NFASC: variants seen among roughly 807,000 people sequenced by gnomAD.
The protein encoded by NFASC is neurofascin.
Under a neutral mutation model 147.5 loss-of-function variants are expected in NFASC, and 43 were observed. The ratio of observed to expected loss-of-function variants is 0.29; its 90% CI spans 0.23 to 0.38. NFASC has a LOEUF of 0.38. Among genes scored for constraint, NFASC ranks in the 10% least tolerant of loss-of-function variants. NFASC has a pLI of 1.00. For missense variants in NFASC, 1,320 were observed against 1,689.0 expected, an observed-to-expected ratio of 0.78 and a Z score of 3.83; for synonymous variants, 622 against 665.5, an observed-to-expected ratio of 0.93 and a Z score of 1.01.
rs1330745580 is a variant in NFASC at position 205,014,329 on chromosome 1, A to G, written c.3491+1463A>G. Among the ~76,000 whole-genome samples, 4 of 152,276 alleles carry G rather than the reference A, an allele frequency of 2.6e-5. No homozygotes were observed. In the East Asian group the frequency reaches 7.7e-4, roughly 29 times the overall value. ...TCTGCTTTGGCTCTGGAAGGTCCGC[A>G]GCATCCATCCTAGAGCCCTCCCTTG... On this transcript the variant is annotated intron_variant, in intron 29 of 29. Transcript: ENST00000339876.
chr1:204,967,950 G>GGT, intron 8 of NFASC: 2 of 258,512 alleles, frequency 7.7e-6, no homozygotes, highest in Admixed American at 5.3e-5. Flanking sequence ...ATCTCGCACT[G>GGT]CTCAGACAGC....
intron 1 of NFASC, among the ~76,000 whole-genome samples, chr1:204,853,766 G>T (rs899513639): frequency 1.2e-4 from 18 of 152,214 alleles, no homozygotes; most frequent in African/African-American, 4.3e-4. Flanking sequence ...AGTCCCCATG[G>T]TGAAGGTGTG....
intron 24 of NFASC, among the ~76,000 whole-genome samples, chr1:204,995,531 A>G (rs2095829428): frequency 6.6e-6 from 1 of 151,806 alleles, no homozygotes; most frequent in African/African-American, 2.4e-5. Context: ...CTGTGGGTTG[A>G]CCGGGGTTTG....
In NFASC at chr1:204,979,590, C is replaced by A. The variant is rs754471055; in HGVS notation, c.2176+31C>A. On this transcript the variant is annotated intron_variant, in intron 19 of 29. Coordinates refer to ENST00000339876, the MANE Select transcript of NFASC (RefSeq NM_001005388.3). This position sits in a 1 kb window ranked among gnomAD's most constrained non-coding sequence, Gnocchi z 6.0. ...TACCCGAGGGCTGCCAGAGAAGGCT[C>A]CGGAACCCCGCACCCCAAACTCACA... 1 of 1,598,888 alleles carries A rather than the reference C, an allele frequency of 6.3e-7. No individual in the cohort carries two copies. The highest frequency in any genetic ancestry group is 8.6e-7 in the Non-Finnish European group (1 of 1,167,148).
chr1:204,935,232 T>A (rs1308129622), intron 2 of NFASC, among the ~76,000 whole-genome samples: 2 of 151,952 alleles, frequency 1.3e-5, no homozygotes, highest in Non-Finnish European at 2.9e-5. Context: ...AAAGGCAGAC[T>A]AGGAAAGAAG....
intron 24 of NFASC, among the ~76,000 whole-genome samples, chr1:204,991,755 G>A (rs1489540191): frequency 6.6e-6 from 1 of 152,226 alleles, no homozygotes; most frequent in Non-Finnish European, 1.5e-5. Flanking sequence ...TCTCCTGAAA[G>A]GGTGAACATG....
chr1:204,945,007 T>G (rs1487577356), intron 3 of NFASC: 3 of 152,278 alleles, frequency 2.0e-5, no homozygotes, highest in East Asian at 1.9e-4. Context: ...TTTTCAACTT[T>G]CCTGCAGTAA....
intron 2 of NFASC, among the ~76,000 whole-genome samples, chr1:204,930,298 A>G (rs1210906672): frequency 6.6e-6 from 1 of 152,188 alleles, no homozygotes; most frequent in East Asian, 1.9e-4. Flanking sequence ...GCATGTCTGC[A>G]GAGCCGGGGC....
intron 1 of NFASC, among the ~76,000 whole-genome samples, chr1:204,905,458 C>A (rs1407619227): frequency 1.3e-5 from 2 of 151,724 alleles, no homozygotes; most frequent in Non-Finnish European, 2.9e-5. Flanking sequence ...AGATTAGTGA[C>A]TTTGAACGTC....
intron 2 of NFASC, among the ~76,000 whole-genome samples, chr1:204,923,430 A>G (rs1348827051): frequency 6.6e-6 from 1 of 151,930 alleles, no homozygotes; most frequent in South Asian, 2.1e-4. Context: ...GTCACCTCCC[A>G]TCACGGGAAG....
At chr1:204,957,571 G>A (rs1383351974) in intron 7 of NFASC, 85 bp from the exon 8 acceptor site, 12 of 1,348,048 alleles carry the variant, frequency 8.9e-6, no homozygotes, top group South Asian at 1.3e-5. Context: ...CTGACCCTCT[G>A]TAAAGTGTTC....
In NFASC at chr1:204,957,590, G is replaced by C. The variant is rs1380201874; in HGVS notation, c.536-66G>C. ...CCCTCTGTAAAGTGTTCTGTCGCCA[G>C]GACTGCGGTGGTGATGATTACTGTT... is the stretch of plus-strand genomic sequence containing the variant. On this transcript the variant is annotated intron_variant, in intron 7 of 29. Coordinates refer to ENST00000339876, the MANE Select transcript of NFASC (RefSeq NM_001005388.3). The C allele has an allele frequency of 1.9e-5, 28 of 1,504,660 alleles. No homozygotes were observed. The Admixed American group carries it at 4.4e-4, about 24-fold the overall frequency. 93.2% of individuals were successfully genotyped at this position (1,504,660 alleles called of 1,614,324 possible).
rs2095608971 is a variant in NFASC at position 204,986,066 on chromosome 1, G to A, written c.2471-1352G>A. 6.2e-7 allele frequency: 1 copy of A among 1,614,208 alleles called. No homozygotes were observed. The highest frequency in any genetic ancestry group is 8.5e-7 in the Non-Finnish European group (1 of 1,180,032). ...GGAGATGGTTGTGGTCAATGGGAGA[G>A]GTGATGGGCCTCGCAGTGAGACCAA... is the stretch of plus-strand genomic sequence containing the variant. On this transcript the variant is annotated intron_variant, in intron 21 of 29. Transcript: ENST00000339876. This position sits in a 1 kb window ranked among gnomAD's most constrained non-coding sequence, Gnocchi z 4.2.
At chr1:205,012,960 G>A in intron 29 of NFASC, 94 bp downstream of exon 29, 1 of 859,418 alleles carries the variant, frequency 1.2e-6, no homozygotes, top group Non-Finnish European at 2.0e-6. Flanking sequence ...TGGCTGAGAG[G>A]CCATGAGTAG....
At position 204,986,110 on chromosome 1, in the gene NFASC, A is replaced by T. The variant is rs2150555642; in HGVS notation, c.2471-1308A>T. 2 of 1,613,046 alleles carry T rather than the reference A, an allele frequency of 1.2e-6. No individual in the cohort carries two copies. The highest frequency in any genetic ancestry group is 1.7e-6 in the Non-Finnish European group (2 of 1,178,964). ...AGACCAAGGAGTTCACCACCCCGGA[A>T]GGAGGTAGGTCTGGCCTGCAGCTCT... On this transcript the variant is annotated intron_variant, in intron 21 of 29. Transcript: ENST00000339876. This position sits in a 1 kb window ranked among gnomAD's most constrained non-coding sequence, Gnocchi z 4.2.
chr1:204,940,383 G>A (rs543025914), intron 2 of NFASC, among the ~76,000 whole-genome samples: 1 of 152,238 alleles, frequency 6.6e-6, no homozygotes, highest in Non-Finnish European at 1.5e-5. Context: ...AACCCAGGAG[G>A]TGGAGGCTGC....
chr1:204,950,608 G>A, intron 4 of NFASC, 34 bp downstream of exon 4: 1 of 1,606,352 alleles, frequency 6.2e-7, no homozygotes. Flanking sequence ...GTGCCTCTGG[G>A]AGTTGGGAGG....
chr1:204,945,875 G>A (rs1345667517), intron 3 of NFASC, among the ~76,000 whole-genome samples: 2 of 152,186 alleles, frequency 1.3e-5, no homozygotes, highest in African/African-American at 4.8e-5. Flanking sequence ...CAGGGAAGTG[G>A]TGAAGGCTCA....
intron 1 of NFASC, among the ~76,000 whole-genome samples, chr1:204,895,995 T>C (rs2083309405): frequency 6.6e-6 from 1 of 152,222 alleles, no homozygotes; most frequent in Non-Finnish European, 1.5e-5. Flanking sequence ...AGGGGATCAG[T>C]GTCCAATCTA....
Sources: allele counts gnomAD v4.1 joint callset (sites outside exome capture counted in the v4.1 genomes callset), GRCh38; gene constraint gnomAD v4.1.1; non-coding constraint Gnocchi (gnomAD v3.1); transcripts MANE v1.5; gene names NCBI Gene and HGNC (gene_info 2026-07-23, HGNC 2026-07-21).